Variants in ITPKB observed in about 807,000 individuals in gnomAD.
ITPKB encodes the protein IP3 3-kinase B.
A neutral mutation model predicts 69.4 loss-of-function variants in ITPKB; 13 were observed. That is an observed-to-expected ratio of 0.19 (90% CI 0.12 to 0.30). ITPKB has a LOEUF of 0.30. Among genes scored for constraint, ITPKB ranks in the 10% least tolerant of loss-of-function variants. The probability of loss-of-function intolerance (pLI) is 1.00; values close to 1 mark genes in which losing one functional copy is unlikely to be tolerated. For missense variants in ITPKB, 1,240 were observed against 1,250.5 expected (o/e 0.99, Z 0.13); for synonymous variants, 584 against 513.7 (o/e 1.14, Z -1.85).
intron 2 of ITPKB, among the ~76,000 whole-genome samples, chr1:226,731,192 G>T (rs528833242): frequency 1.1e-4 from 16 of 152,294 alleles, no homozygotes; most frequent in African/African-American, 3.9e-4. Context: ...AGTATCTGAG[G>T]GGGGACAATG....
rs59479705 is a variant in ITPKB, at chr1:226,711,405, A to AAGAG, written c.1932+24118_1932+24121dup. 8.9e-3 allele frequency among the ~76,000 whole-genome samples: 1,152 copies of AAGAG among 129,766 alleles called. 6 individuals carry two copies. Among genetic ancestry groups the AAGAG allele is most frequent in the East Asian group, 0.024 (104 of 4,308 alleles). The allele number at this position is 129,766 out of a possible 152,430, so 85.1% of individuals were successfully genotyped here. On this transcript the variant is annotated intron_variant, in intron 2 of 7. Transcript: ENST00000429204. ...CCTCCAGCCCTAGAGGGTGTTTTGA[A>AAGAG]AGAGAGAGAGAGAGAGAGAGAGAGA...
chr1:226,735,431 T>A, intron 2 of ITPKB, 96 bp downstream of exon 2: 1 of 1,346,230 alleles, frequency 7.4e-7, no homozygotes, highest in Non-Finnish European at 9.7e-7. Flanking sequence ...TGAGTTTTCA[T>A]GACTGTGTAG....
chr1:226,708,136 A>C (rs1656856042), intron 2 of ITPKB, among the ~76,000 whole-genome samples: 1 of 152,242 alleles, frequency 6.6e-6, no homozygotes, highest in Non-Finnish European at 1.5e-5. Context: ...ATCAGATTGC[A>C]ATTATGTAAA....
chr1:226,719,365 T>C (rs1454571824), intron 2 of ITPKB, among the ~76,000 whole-genome samples: 1 of 152,212 alleles, frequency 6.6e-6, no homozygotes, highest in Non-Finnish European at 1.5e-5. Context: ...GGTCGCTCCC[T>C]GCTGACTTAC....
In ITPKB at chr1:226,737,537, C is replaced by A. The variant is rs970495099; in HGVS notation, c.-79G>T. The A allele has an allele frequency of 2.3e-6, 3 of 1,319,758 alleles. No homozygotes were observed. The highest frequency in any genetic ancestry group is 9.6e-7 in the Non-Finnish European group (1 of 1,039,718). The allele number at this position is 1,319,758 out of a possible 1,614,324, so 81.8% of individuals were successfully genotyped here. A position where few individuals can be genotyped will look rare whatever the true frequency, so the allele number is the denominator to read the frequency against. Reference sequence around the variant, plus strand: ...CGGCGCCTCCTCCTCCCGGCGCTCCCGGCTCAGCCCCGGAGGCCCGGCAGC... The same window carrying A: ...CGGCGCCTCCTCCTCCCGGCGCTCCAGGCTCAGCCCCGGAGGCCCGGCAGC... On this transcript the variant is annotated 5_prime_UTR_variant, in exon 2 of 8. Transcript: ENST00000429204.
chr1:226,701,898 C>T (rs546828654), intron 2 of ITPKB, among the ~76,000 whole-genome samples: 48 of 152,286 alleles, frequency 3.2e-4, no homozygotes, highest in South Asian at 6.2e-4. Flanking sequence ...ATAACTGGTA[C>T]CAAATAGCCA....
At chr1:226,669,414 G>A (rs1318983355) in intron 2 of ITPKB, among the ~76,000 whole-genome samples, 1 of 150,864 alleles carries the variant, frequency 6.6e-6, no homozygotes, top group Non-Finnish European at 1.5e-5. Flanking sequence ...AAAAAAAAAT[G>A]TACTCCTGGT....
At chr1:226,646,592 C>T (rs3754385) in intron 4 of ITPKB, among the ~76,000 whole-genome samples, 1 of 152,268 alleles carries the variant, frequency 6.6e-6, no homozygotes, top group Non-Finnish European at 1.5e-5. Context: ...GTGACTGCTC[C>T]GGGCTCACCT....
At chr1:226,696,480 A>C (rs1372257292) in intron 2 of ITPKB, among the ~76,000 whole-genome samples, 2 of 152,154 alleles carry the variant, frequency 1.3e-5, no homozygotes, top group Admixed American at 1.3e-4. Flanking sequence ...ACTTCCGACA[A>C]GGCCAAAACT....
intron 2 of ITPKB, among the ~76,000 whole-genome samples, chr1:226,673,709 C>T (rs1009793866): frequency 6.6e-6 from 1 of 152,152 alleles, no homozygotes; most frequent in African/African-American, 2.4e-5. Context: ...ATACCATATA[C>T]ATTAGATATA....
intron 2 of ITPKB, among the ~76,000 whole-genome samples, chr1:226,673,655 A>G (rs943854990): frequency 6.6e-6 from 1 of 152,366 alleles, no homozygotes; most frequent in South Asian, 2.1e-4. Context: ...ATAAACATAG[A>G]TAAATAGTGT....
At chr1:226,647,772 G>C (rs1443478592) in intron 3 of ITPKB, among the ~76,000 whole-genome samples, 1 of 152,262 alleles carries the variant, frequency 6.6e-6, no homozygotes, top group Non-Finnish European at 1.5e-5. Context: ...GAGAAACCCT[G>C]ATTGGACAGG....
At chr1:226,723,810 GC>G (rs1401239974) in intron 2 of ITPKB, among the ~76,000 whole-genome samples, 9 of 152,150 alleles carry the variant, frequency 5.9e-5, no homozygotes, top group Non-Finnish European at 8.8e-5. Flanking sequence ...GACACCTCTT[GC>G]CGGCAGCTGA....
chr1:226,693,236 A>G (rs1656400413), intron 2 of ITPKB, among the ~76,000 whole-genome samples: 1 of 152,206 alleles, frequency 6.6e-6, no homozygotes. Context: ...AAAACTCAGA[A>G]GCAGAACACA....
At chr1:226,722,685 C>CA (rs139125383) in intron 2 of ITPKB, among the ~76,000 whole-genome samples, 27,504 of 152,106 alleles carry the variant, frequency 0.18, 2,771 homozygotes, top group East Asian at 0.31. Flanking sequence ...TTCGTGGTTT[C>CA]AATCCTCCCA....
At chr1:226,733,372 CCTT>C (rs1337247637) in intron 2 of ITPKB, among the ~76,000 whole-genome samples, 3 of 152,130 alleles carry the variant, frequency 2.0e-5, no homozygotes, top group Non-Finnish European at 2.9e-5. Context: ...AGATGTCTGG[CCTT>C]CTGTAGACAA....
At chr1:226,734,592 G>C (rs931910498) in intron 2 of ITPKB, among the ~76,000 whole-genome samples, 4 of 152,162 alleles carry the variant, frequency 2.6e-5, no homozygotes, top group African/African-American at 9.7e-5. Flanking sequence ...AGAAAGCCCA[G>C]ACCTTTTCAG....
Position 226,637,601 on chromosome 1 carries a change from G to A in ITPKB, c.2625+78C>T, listed in dbSNP as rs187994549. The A allele has an allele frequency of 4.1e-4, 476 of 1,172,656 alleles. 1 individual carries two copies. The highest frequency in any genetic ancestry group is 2.1e-3 in the East Asian group (87 of 42,062). 72.6% of individuals were successfully genotyped at this position (1,172,656 alleles called of 1,614,324 possible). On this transcript the variant is annotated intron_variant, in intron 7 of 7. Transcript: ENST00000429204. The surrounding 1 kb of genome is among the most constrained non-coding windows in gnomAD (Gnocchi z 4.3). Reference sequence around the variant, plus strand: ...CCACCCTGAAAATGCCCGATGCCCCGGGCTTCTGGAAGGAGAAGGAGAAGG... The same window carrying A: ...CCACCCTGAAAATGCCCGATGCCCCAGGCTTCTGGAAGGAGAAGGAGAAGG...
intron 2 of ITPKB, among the ~76,000 whole-genome samples, chr1:226,667,761 T>A (rs938153204): frequency 3.3e-5 from 5 of 150,812 alleles, no homozygotes; most frequent in African/African-American, 4.9e-5. Flanking sequence ...AGGGAAAAAA[T>A]TAAAAATTAA....
Sources: gnomAD v4.1 joint callset for allele counts (sites outside exome capture counted in the v4.1 genomes callset) on GRCh38, gnomAD v4.1.1 for gene constraint, Gnocchi (gnomAD v3.1) non-coding constraint, MANE v1.5 for transcripts, NCBI Gene and HGNC (gene_info 2026-07-23, HGNC 2026-07-21) for gene names.